The following GABRB2 variants were observed in gnomAD, a reference collection of about 807,000 sequenced individuals.
GABRB2 encodes gamma-aminobutyric acid receptor subunit beta-2.
Under a neutral mutation model 54.7 loss-of-function variants are expected in GABRB2, and 16 were observed. The ratio of observed to expected loss-of-function variants is 0.29; its 90% CI spans 0.20 to 0.44. GABRB2 has a LOEUF of 0.44. Among genes scored for constraint, GABRB2 ranks in the 20% least tolerant of loss-of-function variants. The pLI is 1.00. For synonymous variants in GABRB2, 244 were observed against 233.8 expected (o/e 1.04, Z -0.40); for missense variants, 355 against 644.0 (o/e 0.55, Z 4.86).
Position 161,334,836 on chromosome 5 carries a change from A to G in GABRB2, c.748T>C (p.Tyr250His). The change falls in exon 7 of 10, where the codon TAC (tyrosine) becomes CAC (histidine). Residue 250 changes from tyrosine (Y) to histidine (H), a missense_variant. This residue lies in a region of GABRB2 where 25 missense variants were observed against 137.4 expected (regional missense o/e 0.18). Transcript: ENST00000393959. Reference protein sequence around the residue: ...RNIGYFILQTYMPSILITILS... With the variant: ...RNIGYFILQTHMPSILITILS... Reference sequence around the variant, plus strand: ...ATGGTAATCAGGATGGAAGGCATGTATGTTTGCAGGATAAAGTAGCCAATG... The same window carrying G: ...ATGGTAATCAGGATGGAAGGCATGTGTGTTTGCAGGATAAAGTAGCCAATG... 2.5e-6 allele frequency: 4 copies of G among 1,614,036 alleles called. No homozygotes were observed. The highest frequency in any genetic ancestry group is 3.4e-6 in the Non-Finnish European group (4 of 1,179,876).
At chr5:161,524,154 A>G (rs1760201928) in intron 3 of GABRB2, among the ~76,000 whole-genome samples, 1 of 151,288 alleles carries the variant, frequency 6.6e-6, no homozygotes, top group South Asian at 2.1e-4. Context: ...AACTTTTAAG[A>G]ACCAAGAGTA....
At chr5:161,466,508 T>C (rs1204468894) in intron 3 of GABRB2, among the ~76,000 whole-genome samples, 1 of 151,992 alleles carries the variant, frequency 6.6e-6, no homozygotes, top group African/African-American at 2.4e-5. Context: ...TAAGTACTAA[T>C]AAGACAAACC....
chr5:161,419,799 G>A (rs1243693913), intron 4 of GABRB2, among the ~76,000 whole-genome samples: 1 of 152,038 alleles, frequency 6.6e-6, no homozygotes, highest in Non-Finnish European at 1.5e-5. Context: ...CACACACTGG[G>A]GACTGCAAAA....
At chr5:161,398,208 T>A (rs1211034513) in intron 5 of GABRB2, among the ~76,000 whole-genome samples, 1 of 152,214 alleles carries the variant, frequency 6.6e-6, no homozygotes, top group Non-Finnish European at 1.5e-5. Context: ...GGATTCCTAA[T>A]TTCACTATTT....
At chr5:161,384,284 C>T (rs1656414998) in intron 5 of GABRB2, among the ~76,000 whole-genome samples, 1 of 152,138 alleles carries the variant, frequency 6.6e-6, no homozygotes, top group South Asian at 2.1e-4. Context: ...AATTTATTCA[C>T]AGAGATAAAC....
At chr5:161,379,740 A>G (rs528376058) in intron 5 of GABRB2, among the ~76,000 whole-genome samples, 6 of 152,206 alleles carry the variant, frequency 3.9e-5, no homozygotes, top group East Asian at 3.9e-4. Context: ...AACTTGCACT[A>G]CTAGAGCTTC....
chr5:161,466,894 A>T (rs1758297149), intron 3 of GABRB2, among the ~76,000 whole-genome samples: 1 of 152,040 alleles, frequency 6.6e-6, no homozygotes, highest in African/African-American at 2.4e-5. Context: ...ATGGCTATGT[A>T]TATGGGGAAA....
Position 161,469,186 on chromosome 5 carries a change from T to C in GABRB2, c.238-9342A>G, listed in dbSNP as rs572489162. On this transcript the variant is annotated intron_variant, in intron 3 of 9. Transcript: ENST00000393959. The stretch of plus-strand genomic sequence containing the variant: ...TGTGTTTTTTTAGGTGTATCATTTC[T>C]ATAACAAAACTAAACAAGTAATTAC... Among the ~76,000 whole-genome samples, 4 of 151,934 alleles carry C rather than the reference T, an allele frequency of 2.6e-5. No individual in the cohort carries two copies. In the South Asian group the frequency reaches 6.2e-4, roughly 24 times the overall value.
At chr5:161,503,622 T>C (rs972516325) in intron 3 of GABRB2, among the ~76,000 whole-genome samples, 11 of 144,538 alleles carry the variant, frequency 7.6e-5, no homozygotes, top group Non-Finnish European at 1.3e-4. Flanking sequence ...AGCAGAAGAA[T>C]CCCTTGAACC....
At chr5:161,297,439 C>T (rs1757413333) in intron 9 of GABRB2, among the ~76,000 whole-genome samples, 1 of 152,074 alleles carries the variant, frequency 6.6e-6, no homozygotes, top group Non-Finnish European at 1.5e-5. Context: ...CCTAGTCCCC[C>T]ACCCCCTGAC....
chr5:161,368,115 T>TTACACACACA (rs1561624761), intron 5 of GABRB2, among the ~76,000 whole-genome samples: 2 of 36,166 alleles, frequency 5.5e-5, no homozygotes, highest in African/African-American at 9.7e-5. Flanking sequence ...TCTCCCTCTC[T>TTACACACACA]GACACACACA....
At chr5:161,296,062 T>G (rs2113337144) in intron 9 of GABRB2, among the ~76,000 whole-genome samples, 1 of 152,292 alleles carries the variant, frequency 6.6e-6, no homozygotes. Flanking sequence ...TCCTTGGAAG[T>G]GGCATTTTTT....
At chr5:161,368,707 T>C (rs1215870099) in intron 5 of GABRB2, among the ~76,000 whole-genome samples, 1 of 152,182 alleles carries the variant, frequency 6.6e-6, no homozygotes, top group Admixed American at 6.6e-5. Context: ...TAAGAAGCGA[T>C]AGTCATCCAA....
At chr5:161,399,055 G>A (rs1002245324) in intron 5 of GABRB2, among the ~76,000 whole-genome samples, 11 of 152,122 alleles carry the variant, frequency 7.2e-5, no homozygotes, top group African/African-American at 2.7e-4. Flanking sequence ...TTATGGAGGT[G>A]GGTTCTGTCT....
chr5:161,371,505 G>A (rs1000617722), intron 5 of GABRB2, among the ~76,000 whole-genome samples: 1 of 152,100 alleles, frequency 6.6e-6, no homozygotes, highest in East Asian at 1.9e-4. Flanking sequence ...CTGATGGGAT[G>A]ATACAGCATA....
chr5:161,438,831 A>C (rs1757381470), intron 4 of GABRB2, among the ~76,000 whole-genome samples: 1 of 152,100 alleles, frequency 6.6e-6, no homozygotes, highest in Non-Finnish European at 1.5e-5. Flanking sequence ...CTTGAAAACA[A>C]GCTCTTTGAA....
intron 5 of GABRB2, among the ~76,000 whole-genome samples, chr5:161,398,225 T>C (rs1756065892): frequency 6.6e-6 from 1 of 152,208 alleles, no homozygotes; most frequent in Non-Finnish European, 1.5e-5. Flanking sequence ...ATTTTGTATT[T>C]TCTCTTGAGA....
At chr5:161,396,394 T>A (rs2113061254) in intron 5 of GABRB2, among the ~76,000 whole-genome samples, 1 of 152,312 alleles carries the variant, frequency 6.6e-6, no homozygotes, top group East Asian at 1.9e-4. Flanking sequence ...TGTCTTTTTC[T>A]TTCTGGAAAA....
At position 161,350,074 on chromosome 5, in the gene GABRB2, G is replaced by T. The variant is rs543929040; in HGVS notation, c.542-13305C>A. ...AAGGAATGTGGTCAGAACAATAATG[G>T]CTGTCAATGACAAATCCACAGCTAA... On this transcript the variant is annotated intron_variant, in intron 5 of 9. Transcript: ENST00000393959. Among the ~76,000 whole-genome samples the T allele has an allele frequency of 2.6e-5, 4 of 152,154 alleles. No individual in the cohort carries two copies. The East Asian group carries it at 7.7e-4, about 29-fold the overall frequency.
Sources: gnomAD v4.1 joint callset for allele counts (sites outside exome capture counted in the v4.1 genomes callset) on GRCh38, gnomAD v4.1.1 for gene constraint, gnomAD v4.1.1 regional missense constraint, MANE v1.5 for transcripts, NCBI Gene and HGNC (gene_info 2026-07-23, HGNC 2026-07-21) for gene names.